The following AFDN variants were observed in gnomAD, a reference collection of about 807,000 sequenced individuals.
AFDN encodes afadin.
Under a neutral mutation model 216.6 loss-of-function variants are expected in AFDN, and 68 were observed. The observed-to-expected ratio is 0.31, with a 90% CI of 0.26 to 0.38. The LOEUF is 0.38. AFDN is among the 10% of genes least tolerant of loss of function. The pLI is 1.00. For missense variants in AFDN, 2,136 were observed against 2,342.0 expected, an observed-to-expected ratio of 0.91 and a Z score of 1.82; for synonymous variants, 868 against 853.7, an observed-to-expected ratio of 1.02 and a Z score of -0.29.
intron 4 of AFDN, among the ~76,000 whole-genome samples, chr6:167,874,279 A>G (rs915237835): frequency 3.3e-5 from 5 of 152,194 alleles, no homozygotes; most frequent in African/African-American, 9.7e-5. Context: ...GACTCGCTCT[A>G]TTTATCATCT....
chr6:167,899,786 A>G (rs1788716761), intron 11 of AFDN, among the ~76,000 whole-genome samples: 1 of 152,170 alleles, frequency 6.6e-6, no homozygotes, highest in Non-Finnish European at 1.5e-5. Context: ...ACCTGTAGTT[A>G]TTGCCCTTAT....
At chr6:167,828,761 T>G (rs993601965) in intron 1 of AFDN, among the ~76,000 whole-genome samples, 3 of 151,702 alleles carry the variant, frequency 2.0e-5, no homozygotes, top group Non-Finnish European at 2.9e-5. Context: ...GCTTTTTTTT[T>G]TTGTTTGAAT....
intron 8 of AFDN, 107 bp downstream of exon 8, chr6:167,891,136 C>CATTTTT: frequency 1.2e-6 from 1 of 838,022 alleles, no homozygotes; most frequent in East Asian, 2.9e-5. Flanking sequence ...GCTGACTTAA[C>CATTTTT]ATTTTTAGCC....
intron 29 of AFDN, among the ~76,000 whole-genome samples, chr6:167,948,892 T>C (rs376123568): frequency 5.3e-5 from 8 of 152,310 alleles, no homozygotes; most frequent in African/African-American, 1.9e-4. Context: ...CAGCAGGGGA[T>C]GGAGCTTCTC....
At chr6:167,885,770 T>C (rs144791312) in intron 6 of AFDN, among the ~76,000 whole-genome samples, 1,906 of 152,352 alleles carry the variant, frequency 0.013, 84 homozygotes, top group East Asian at 0.11. Flanking sequence ...ACCTTCAACT[T>C]ACATTTGTTT....
Position 167,951,482 on chromosome 6 carries a change from G to T in AFDN, c.4128G>T (p.Pro1376=). 6.2e-7 allele frequency: 1 copy of T among 1,612,576 alleles called. No homozygotes were observed. Among genetic ancestry groups the T allele is most frequent in the Non-Finnish European group, 8.5e-7 (1 of 1,179,118 alleles). ...GAACAGACCTGCCTCCGCCACCCCC[G>T]CCACCTCCAGTCCACTATGCCGGTG... The part of the protein sequence containing the change: ...PIRTDLPPPP[P]PPPVHYAGDF... The change falls in exon 30 of 34, where the codon CCG becomes CCT. Residue 1376 remains proline (P), a synonymous_variant. Coordinates refer to ENST00000683244, the MANE Select transcript of AFDN (RefSeq NM_001386888.1). The surrounding 1 kb of genome is among the most constrained non-coding windows in gnomAD (Gnocchi z 7.1).
At position 167,891,404 on chromosome 6, in the gene AFDN, G is replaced by GGGGT. The variant is rs1350794338; in HGVS notation, c.1177+376_1177+377insGGTG. Among the ~76,000 whole-genome samples, 860 of 138,106 alleles carry GGGGT rather than the reference G, an allele frequency of 6.2e-3. 6 individuals carry two copies. The highest frequency in any genetic ancestry group is 0.011 in the African/African-American group (374 of 34,692). 90.6% of individuals were successfully genotyped at this position (138,106 alleles called of 152,430 possible). A position where few individuals can be genotyped will look rare whatever the true frequency, so the allele number is the denominator to read the frequency against. ...TTACCTAGGGCAGATTTCATAAAGG[G>GGGGT]GTGGGTGTGTGTGTGTGTGTGTGTG... On this transcript the variant is annotated intron_variant, in intron 8 of 33. Transcript: ENST00000683244.
intron 23 of AFDN, among the ~76,000 whole-genome samples, chr6:167,935,126 T>G (rs961318223): frequency 6.6e-6 from 1 of 152,220 alleles, no homozygotes. Context: ...TCATCCTTTT[T>G]TGTCCTCCTT....
intron 27 of AFDN, 45 bp downstream of exon 27, chr6:167,946,946 A>G (rs766839378): frequency 1.6e-5 from 24 of 1,523,594 alleles, no homozygotes; most frequent in Non-Finnish European, 2.0e-5. Flanking sequence ...TTGTGATCAC[A>G]GTCTGAAGTG....
chr6:167,944,513 G>A (rs996306380), intron 26 of AFDN, among the ~76,000 whole-genome samples: 1 of 152,200 alleles, frequency 6.6e-6, no homozygotes, highest in Non-Finnish European at 1.5e-5. Context: ...TTGTATATGA[G>A]TAGTTACCTT....
At chr6:167,892,232 G>C (rs1473568342) in intron 8 of AFDN, among the ~76,000 whole-genome samples, 1 of 152,062 alleles carries the variant, frequency 6.6e-6, no homozygotes, top group African/African-American at 2.4e-5. Context: ...GAATATATTG[G>C]TGTTGCTAAC....
intron 4 of AFDN, among the ~76,000 whole-genome samples, chr6:167,873,539 T>C (rs1322579250): frequency 1.3e-5 from 2 of 152,192 alleles, no homozygotes; most frequent in East Asian, 1.9e-4. Context: ...AGGGAACTTA[T>C]CTGATTATTT....
chr6:167,828,793 G>T, intron 1 of AFDN, among the ~76,000 whole-genome samples: 1 of 139,166 alleles, frequency 7.2e-6, no homozygotes, highest in African/African-American at 2.7e-5. Context: ...TTTTTTGAGA[G>T]ATTTCTCAAG....
chr6:167,926,476 T>C (rs1260570300), intron 23 of AFDN, among the ~76,000 whole-genome samples: 6 of 152,356 alleles, frequency 3.9e-5, no homozygotes, highest in South Asian at 2.1e-4. Context: ...TGGGTCTTGC[T>C]GTGTCACCCA....
intron 22 of AFDN, 77 bp downstream of exon 22, chr6:167,923,036 TAC>T: frequency 9.9e-7 from 1 of 1,010,724 alleles, no homozygotes; most frequent in Non-Finnish European, 1.5e-6. Context: ...GTTTCTTTCT[TAC>T]ACTGAAGATT....
rs151161698 is a variant in AFDN at position 167,850,823 on chromosome 6, A to G, written c.106-13728A>G. Among the ~76,000 whole-genome samples the G allele has an allele frequency of 4.6e-4, 70 of 152,302 alleles. 1 individual carries two copies. In the East Asian group the frequency reaches 0.011, roughly 24 times the overall value. The stretch of plus-strand genomic sequence containing the variant: ...ATAGGTTGATTTGGGTAGATCAGTT[A>G]TATCACTGGAAATGATTTCAACTCT... On this transcript the variant is annotated intron_variant, in intron 1 of 33. Coordinates refer to ENST00000683244, the MANE Select transcript of AFDN (RefSeq NM_001386888.1).
rs1278376288 is a variant in AFDN at position 167,864,344 on chromosome 6, G to T, written c.106-207G>T. 3 of 750,778 alleles carry T rather than the reference G, an allele frequency of 4.0e-6. No homozygotes were observed. In the South Asian group the frequency reaches 4.1e-5, roughly 10 times the overall value. 46.5% of individuals were successfully genotyped at this position (750,778 alleles called of 1,614,324 possible). On this transcript the variant is annotated intron_variant, in intron 1 of 33. Coordinates refer to ENST00000683244, the MANE Select transcript of AFDN (RefSeq NM_001386888.1). ...CAGCCATTATTTCATACGTGACACA[G>T]GTGAGGCAAAGAGAAATTGTTAGTA...
At chr6:167,853,262 T>C (rs1583163189) in intron 1 of AFDN, among the ~76,000 whole-genome samples, 1 of 152,256 alleles carries the variant, frequency 6.6e-6, no homozygotes, top group East Asian at 1.9e-4. Context: ...TGTCACTGTA[T>C]AAACACAACT....
chr6:167,849,569 C>T (rs941856428), intron 1 of AFDN, among the ~76,000 whole-genome samples: 2 of 152,110 alleles, frequency 1.3e-5, no homozygotes, highest in Non-Finnish European at 2.9e-5. Context: ...TTCTGTATCC[C>T]TGTCTTTGAG....
Sources: allele counts gnomAD v4.1 joint callset (sites outside exome capture counted in the v4.1 genomes callset), GRCh38; gene constraint gnomAD v4.1.1; non-coding constraint Gnocchi (gnomAD v3.1); transcripts MANE v1.5; gene names NCBI Gene and HGNC (gene_info 2026-07-23, HGNC 2026-07-21).